The following MOGAT2 variants were observed in gnomAD, a reference collection of about 807,000 sequenced individuals.
The protein encoded by MOGAT2 is 2-acylglycerol O-acyltransferase 2.
Under a neutral mutation model 31.5 loss-of-function variants are expected in MOGAT2, and 27 were observed. That is an observed-to-expected ratio of 0.86 (90% CI 0.63 to 1.18). The LOEUF is 1.18. Ranked by LOEUF, MOGAT2 falls within the 50% of genes most tolerant of loss-of-function variation. MOGAT2 has a pLI of 0.00. For missense variants in MOGAT2, 436 were observed against 433.2 expected (o/e 1.01, Z -0.06); for synonymous variants, 163 against 170.0 (o/e 0.96, Z 0.32).
intron 2 of MOGAT2, among the ~76,000 whole-genome samples, chr11:75,724,100 C>A (rs375842558): frequency 2.0e-5 from 3 of 152,180 alleles, no homozygotes; most frequent in African/African-American, 7.2e-5. Flanking sequence ...GATGAGCCAG[C>A]GGCAGAACCG....
chr11:75,718,805 A>G (rs1944352016), intron 1 of MOGAT2, among the ~76,000 whole-genome samples: 1 of 152,126 alleles, frequency 6.6e-6, no homozygotes, highest in Admixed American at 6.6e-5. Flanking sequence ...GGAAGGGAGA[A>G]TGACTAGGAG....
Position 75,731,209 on chromosome 11 carries a change from A to AAT in MOGAT2, c.929_930insTA (p.Lys310AsnfsTer35). On this transcript the variant is annotated frameshift_variant, in exon 6 of 6. Transcript: ENST00000198801. LOFTEE classifies it high-confidence loss of function. ...GAACCAGCTGCACCAGCGTTATATC[A>AAT]AAGAGCTGTGCAACCTCTTCGAGGC... 6.2e-7 allele frequency: 1 copy of AAT among 1,614,124 alleles called. No individual in the cohort carries two copies. The highest frequency in any genetic ancestry group is 1.7e-4 in the Middle Eastern group (1 of 6,060).
chr11:75,720,829 ACTCCTGTCAC>A (rs1280204025), intron 2 of MOGAT2, among the ~76,000 whole-genome samples: 1 of 151,582 alleles, frequency 6.6e-6, no homozygotes. Flanking sequence ...TGGCTTTCCG[ACTCCTGTCAC>A]CTCGTGGTCA....
rs186828647 is a variant in MOGAT2, at chr11:75,726,988, C to A, written c.271-447C>A. Among the ~76,000 whole-genome samples the A allele has an allele frequency of 3.3e-5, 5 of 152,282 alleles. No homozygotes were observed. In the East Asian group the frequency reaches 9.6e-4, roughly 29 times the overall value. On this transcript the variant is annotated intron_variant, in intron 2 of 5. Transcript: ENST00000198801. ...TACAGGCGTGAGCCACCGCGCCTGG[C>A]TGGAACACTGTTTTTCTTAAAATGG...
intron 2 of MOGAT2, among the ~76,000 whole-genome samples, chr11:75,725,819 AGTGCACATTGCAGG>A (rs1400917541): frequency 1.3e-5 from 2 of 152,172 alleles, no homozygotes; most frequent in African/African-American, 4.8e-5. Flanking sequence ...GACCTGAGGG[AGTGCACATTGCAGG>A]GCCTGGGCAG....
At position 75,722,739 on chromosome 11, in the gene MOGAT2, G is replaced by A. The variant is rs146100978; in HGVS notation, c.270+2569G>A. Among the ~76,000 whole-genome samples, 27 of 152,350 alleles carry A rather than the reference G, an allele frequency of 1.8e-4. No individual in the cohort carries two copies. The East Asian group carries it at 4.8e-3, about 27-fold the overall frequency. On this transcript the variant is annotated intron_variant, in intron 2 of 5. Transcript: ENST00000198801. The stretch of plus-strand genomic sequence containing the variant: ...GCCAGCCCAATGGCCTCAAAGGACA[G>A]CATCTGGCCCTCTTTGCACCTGGAG...
At chr11:75,728,634 G>A in intron 4 of MOGAT2, 156 bp from the exon 5 acceptor site, 1 of 650,978 alleles carries the variant, frequency 1.5e-6, no homozygotes, top group African/African-American at 1.8e-5. Flanking sequence ...GGGCTGTGAA[G>A]GTCTGGGAGA....
At chr11:75,723,273 T>TTTTTTG (rs1590839705) in intron 2 of MOGAT2, among the ~76,000 whole-genome samples, 2 of 17,446 alleles carry the variant, frequency 1.1e-4, no homozygotes, top group East Asian at 1.2e-3. Flanking sequence ...TTGTTTTTTG[T>TTTTTTG]TTTTTTTTCC....
chr11:75,723,426 C>T (rs1944394503), intron 2 of MOGAT2, among the ~76,000 whole-genome samples: 2 of 152,060 alleles, frequency 1.3e-5, no homozygotes, highest in Non-Finnish European at 2.9e-5. Flanking sequence ...GGCCTGTAGA[C>T]GCTCTTTCCA....
At position 75,732,300 on chromosome 11, in the gene MOGAT2, C is replaced by T. The variant is rs964048482; in HGVS notation, c.*1014C>T. The T allele has an allele frequency of 2.6e-5, 4 of 152,250 alleles. No individual in the cohort carries two copies. Among genetic ancestry groups the T allele is most frequent in the African/African-American group, 9.7e-5 (4 of 41,414 alleles). 9.4% of individuals were successfully genotyped at this position (152,250 alleles called of 1,614,324 possible). Reference sequence around the variant, plus strand: ...AGGGAGGAGCCAGGAGCAAGCATTCCCACTTCACCTTCCTCCATTCAGTCT... The same window carrying T: ...AGGGAGGAGCCAGGAGCAAGCATTCTCACTTCACCTTCCTCCATTCAGTCT... On this transcript the variant is annotated 3_prime_UTR_variant, in exon 6 of 6. Transcript: ENST00000198801.
chr11:75,720,197 G>T, intron 2 of MOGAT2, 27 bp downstream of exon 2: 1 of 1,597,880 alleles, frequency 6.3e-7, no homozygotes, highest in Non-Finnish European at 8.5e-7. Flanking sequence ...GTTGGGGTTG[G>T]GGAGGGAGTT....
In MOGAT2 at chr11:75,731,380, C is replaced by A. The variant is rs970305494; in HGVS notation, c.*94C>A. 1.5e-5 allele frequency: 21 copies of A among 1,397,486 alleles called. No homozygotes were observed. In the South Asian group the frequency reaches 2.3e-4, roughly 15 times the overall value. 86.6% of individuals were successfully genotyped at this position (1,397,486 alleles called of 1,614,324 possible). On this transcript the variant is annotated 3_prime_UTR_variant, in exon 6 of 6. Transcript: ENST00000198801. ...TGTTTGTTGAACATATCTGCAGAGC[C>A]TTCCCAGACTCCTGCAAATCCAACC...
intron 1 of MOGAT2, among the ~76,000 whole-genome samples, chr11:75,718,389 G>A (rs1043758728): frequency 6.6e-6 from 1 of 152,162 alleles, no homozygotes; most frequent in Non-Finnish European, 1.5e-5. Flanking sequence ...TGGTAGTAGG[G>A]TAAGTGAGAG....
At chr11:75,718,975 T>TCC (rs1944353382) in intron 1 of MOGAT2, among the ~76,000 whole-genome samples, 1 of 150,380 alleles carries the variant, frequency 6.6e-6, no homozygotes, top group Admixed American at 6.6e-5. Context: ...TTTCTCTCTC[T>TCC]CTCTCTCACA....
chr11:75,727,516 T>A lies in MOGAT2; in HGVS notation c.352T>A (p.Phe118Ile). The A allele has an allele frequency of 1.2e-6, 2 of 1,614,130 alleles. No homozygotes were observed. The highest frequency in any genetic ancestry group is 1.7e-6 in the Non-Finnish European group (2 of 1,180,006). Residue 118 changes from phenylalanine to isoleucine, a missense_variant, in exon 3 of 6, where the codon TTT becomes ATT. Physicochemically the swap from Phe to Ile is conservative, Grantham distance 21 (BLOSUM62 0). Coordinates refer to ENST00000198801, the MANE Select transcript of MOGAT2 (RefSeq NM_025098.4). ...CCATGGAGTCCTGGCAGTCGGAGCCTTTGCCAACCTGTGCACTGAGAGCAC... is the reference window on the plus strand; with the variant it reads ...CCATGGAGTCCTGGCAGTCGGAGCCATTGCCAACCTGTGCACTGAGAGCAC... ...HPHGVLAVGA[F>I]ANLCTESTGF...
chr11:75,721,875 C>A (rs1342284504), intron 2 of MOGAT2, among the ~76,000 whole-genome samples: 4 of 152,292 alleles, frequency 2.6e-5, no homozygotes, highest in Admixed American at 2.0e-4. Context: ...GGTTGGGGTT[C>A]CTGCCTTGCT....
intron 2 of MOGAT2, among the ~76,000 whole-genome samples, chr11:75,724,448 C>T (rs189252408): frequency 1.3e-5 from 2 of 152,236 alleles, no homozygotes; most frequent in African/African-American, 4.8e-5. Flanking sequence ...CAAGTGCCTG[C>T]ACTGTGGGAG....
chr11:75,720,099 G>T lies in MOGAT2; in HGVS notation c.199G>T (p.Gly67Trp), dbSNP rs759909285. ...WYLDRDKPRQ[G>W]GRHIQAIRCW... ...TCTGGACCGAGACAAGCCACGGCAG[G>T]GGGGCCGGCACATCCAGGCCATCAG... The change falls in exon 2 of 6, where the codon GGG (glycine) becomes TGG (tryptophan). Residue 67 changes from glycine (G) to tryptophan (W), a missense_variant. By Grantham distance (184) the Gly-to-Trp change is radical. Coordinates refer to ENST00000198801, the MANE Select transcript of MOGAT2 (RefSeq NM_025098.4). The T allele has an allele frequency of 2.5e-6, 4 of 1,614,086 alleles. No individual in the cohort carries two copies. The highest frequency in any genetic ancestry group is 1.3e-5 in the African/African-American group (1 of 74,922).
At chr11:75,723,593 TA>T (rs1490755358) in intron 2 of MOGAT2, among the ~76,000 whole-genome samples, 4 of 152,162 alleles carry the variant, frequency 2.6e-5, no homozygotes, top group African/African-American at 9.6e-5. Context: ...CCACAACTTT[TA>T]AAAAAATGTT....
Sources: gnomAD v4.1 joint callset for allele counts (sites outside exome capture counted in the v4.1 genomes callset) on GRCh38, gnomAD v4.1.1 for gene constraint, MANE v1.5 for transcripts, NCBI Gene and HGNC (gene_info 2026-07-23, HGNC 2026-07-21) for gene names.